The following HDAC8 variants were observed in gnomAD, a reference collection of about 807,000 sequenced individuals.
HDAC8 encodes the protein histone deacetylase-like 1.
HDAC8 carries 1 observed loss-of-function variant against 32.2 expected under a neutral mutation model. That is an observed-to-expected ratio of 0.03 (90% CI 0.01 to 0.15). The LOEUF (loss-of-function observed/expected upper bound fraction) is 0.15, where lower values mean the gene tolerates loss of function less well. Ranked by LOEUF, HDAC8 falls within the 10% of genes least tolerant of loss-of-function variation. The pLI is 1.00. For missense variants in HDAC8, 117 were observed against 300.0 expected (o/e 0.39, Z 4.51); for synonymous variants, 108 against 113.9 (o/e 0.95, Z 0.33).
At chrX:72,535,810 T>C (rs1312429112) in intron 4 of HDAC8, among the ~76,000 whole-genome samples, 1 of 111,843 alleles carries the variant, frequency 8.9e-6, no homozygotes, top group African/African-American at 3.3e-5. Flanking sequence ...GAATACTCTA[T>C]CCAAAATCCC....
chrX:72,515,112 T>C (rs781983987), intron 4 of HDAC8, among the ~76,000 whole-genome samples: 2 of 111,408 alleles, frequency 1.8e-5, no homozygotes, highest in South Asian at 7.7e-4. Context: ...AAAGTTATTA[T>C]TATAGCCACA....
chrX:72,519,277 C>T lies in HDAC8; in HGVS notation c.438-24009G>A, dbSNP rs886513609. ...TAGAGCTGCTATGAACATTTATGTG[C>T]AAGTCTTTGTGCAGAGGTATGTTTT... On this transcript the variant is annotated intron_variant, in intron 4 of 10. Transcript: ENST00000373573. Among the ~76,000 whole-genome samples the T allele has an allele frequency of 2.7e-5, 3 of 111,980 alleles. No individual in the cohort carries two copies. In the Admixed American group the frequency reaches 2.8e-4, roughly 11 times the overall value.
At chrX:72,331,876 T>G (rs1555940700) in intron 10 of HDAC8, among the ~76,000 whole-genome samples, 1 of 112,144 alleles carries the variant, frequency 8.9e-6, no homozygotes. Flanking sequence ...GATGCGAAAC[T>G]ATTTTATCAC....
intron 7 of HDAC8, chrX:72,474,211 C>T (rs2048264778): frequency 1.3e-6 from 1 of 748,529 alleles, no homozygotes; most frequent in Non-Finnish European, 1.6e-6. Context: ...TCTTTGAATA[C>T]CCACAGCATT....
intron 9 of HDAC8, among the ~76,000 whole-genome samples, chrX:72,414,014 A>C (rs937478652): frequency 1.8e-5 from 2 of 111,815 alleles, no homozygotes; most frequent in African/African-American, 6.5e-5. Context: ...GATGGGACTG[A>C]GAATGGGAGA....
intron 10 of HDAC8, among the ~76,000 whole-genome samples, chrX:72,337,867 C>T (rs2043752230): frequency 8.9e-6 from 1 of 112,105 alleles, no homozygotes; most frequent in Admixed American, 9.4e-5. Context: ...GGCTTGAGCA[C>T]AGAAATCATT....
intron 10 of HDAC8, among the ~76,000 whole-genome samples, chrX:72,332,197 G>A (rs1460828484): frequency 3.6e-5 from 4 of 112,595 alleles, no homozygotes; most frequent in Non-Finnish European, 7.5e-5. Context: ...AAGGACACCT[G>A]AGTCATTTCC....
At chrX:72,501,114 T>A (rs189169762) in intron 4 of HDAC8, among the ~76,000 whole-genome samples, 68 of 111,128 alleles carry the variant, frequency 6.1e-4, no homozygotes, top group African/African-American at 1.9e-3. Flanking sequence ...CTCAAATAAA[T>A]CAGAGAAGAC....
intron 4 of HDAC8, among the ~76,000 whole-genome samples, chrX:72,565,738 G>C (rs2147578536): frequency 8.9e-6 from 1 of 111,975 alleles, no homozygotes; most frequent in South Asian, 3.8e-4. Flanking sequence ...CCAAGCCCAA[G>C]AGGACCTAGA....
intron 4 of HDAC8, among the ~76,000 whole-genome samples, chrX:72,530,842 G>A (rs1435913783): frequency 2.7e-5 from 3 of 112,182 alleles, no homozygotes; most frequent in Non-Finnish European, 5.6e-5. Context: ...GCAGAAGACC[G>A]AAAAACTAAC....
intron 9 of HDAC8, among the ~76,000 whole-genome samples, chrX:72,423,490 C>G (rs1199198771): frequency 8.9e-6 from 1 of 111,758 alleles, no homozygotes; most frequent in Non-Finnish European, 1.9e-5. Context: ...TCAGTCTCAC[C>G]ACAATCTCCC....
intron 4 of HDAC8, among the ~76,000 whole-genome samples, chrX:72,516,052 T>C (rs2049791865): frequency 9.0e-6 from 1 of 111,437 alleles, no homozygotes; most frequent in African/African-American, 3.3e-5. Flanking sequence ...TGCAAGGAGT[T>C]TGGATTTTAC....
Position 72,470,447 on chromosome X carries a change from G to A in HDAC8, c.738-5716C>T, listed in dbSNP as rs181574782. On this transcript the variant is annotated intron_variant, in intron 7 of 10. Transcript: ENST00000373573. The stretch of plus-strand genomic sequence containing the variant: ...CCTTTCCAGCTTAATTTATCCCTGT[G>A]AGCACTAAATCCTCTTTTGTTGCTT... 1.8e-3 allele frequency among the ~76,000 whole-genome samples: 201 copies of A among 111,176 alleles called. 3 individuals carry two copies. Among genetic ancestry groups the A allele is most frequent in the African/African-American group, 6.1e-3 (185 of 30,577 alleles).
intron 7 of HDAC8, among the ~76,000 whole-genome samples, chrX:72,471,376 T>C (rs1428098786): frequency 8.9e-6 from 1 of 112,427 alleles, no homozygotes. Flanking sequence ...TGCTGGGTCA[T>C]GTGGCAACTC....
intron 9 of HDAC8, among the ~76,000 whole-genome samples, chrX:72,449,099 A>G (rs918879309): frequency 8.0e-5 from 9 of 112,262 alleles, no homozygotes; most frequent in Non-Finnish European, 1.7e-4. Flanking sequence ...AAATCATTCT[A>G]CTATAAAGAC....
intron 7 of HDAC8, among the ~76,000 whole-genome samples, chrX:72,485,994 C>A (rs1449929447): frequency 9.0e-6 from 1 of 110,526 alleles, no homozygotes; most frequent in African/African-American, 3.3e-5. Context: ...TGGTGGCAGG[C>A]GCCTGTAGTC....
chrX:72,342,503 T>G (rs781820377), intron 10 of HDAC8, among the ~76,000 whole-genome samples: 19 of 112,728 alleles, frequency 1.7e-4, no homozygotes, highest in Admixed American at 1.1e-3. Flanking sequence ...TTGTCAACAG[T>G]TAGGCATTCC....
At chrX:72,409,123 T>C (rs1452754806) in intron 9 of HDAC8, among the ~76,000 whole-genome samples, 1 of 112,364 alleles carries the variant, frequency 8.9e-6, no homozygotes, top group African/African-American at 3.2e-5. Flanking sequence ...ACTAAAGTAT[T>C]TTCTTTCTTC....
intron 10 of HDAC8, among the ~76,000 whole-genome samples, chrX:72,335,564 G>A (rs1231093760): frequency 1.8e-5 from 2 of 111,926 alleles, no homozygotes; most frequent in African/African-American, 6.5e-5. Flanking sequence ...CCTATTGCAA[G>A]ACATCTTGGT....
Sources: allele counts gnomAD v4.1 joint callset (sites outside exome capture counted in the v4.1 genomes callset), GRCh38; gene constraint gnomAD v4.1.1; transcripts MANE v1.5; gene names NCBI Gene and HGNC (gene_info 2026-07-23, HGNC 2026-07-21).